CACNA1A: variants seen among roughly 807,000 people sequenced by gnomAD.
CACNA1A encodes voltage-dependent P/Q-type calcium channel subunit alpha-1A.
CACNA1A carries 57 observed loss-of-function variants against 262.4 expected under a neutral mutation model. The ratio of observed to expected loss-of-function variants is 0.22; its 90% confidence interval spans 0.18 to 0.27. CACNA1A has a LOEUF of 0.27. Among genes scored for constraint, CACNA1A ranks in the 10% least tolerant of loss-of-function variants. CACNA1A has a pLI of 1.00. For missense variants in CACNA1A, 2,526 were observed against 3,562.8 expected (o/e 0.71, Z 7.41); for synonymous variants, 1,431 against 1,419.3 (o/e 1.01, Z -0.18).
intron 5 of CACNA1A, among the ~76,000 whole-genome samples, chr19:13,361,451 C>T (rs1293509120): frequency 2.0e-5 from 3 of 152,080 alleles, no homozygotes; most frequent in Non-Finnish European, 2.9e-5. Context: ...ATTCTGTGAG[C>T]GATGCTTTTG....
At chr19:13,433,524 G>A (rs893319160) in intron 3 of CACNA1A, among the ~76,000 whole-genome samples, 5 of 148,324 alleles carry the variant, frequency 3.4e-5, no homozygotes, top group Admixed American at 6.9e-5. Context: ...ATGGAAACTG[G>A]TTTGCACCCA....
rs538875800 is a variant in CACNA1A, at chr19:13,293,200, G to A, written c.3089+5344C>T. On this transcript the variant is annotated intron_variant, in intron 19 of 46. Transcript: ENST00000360228. ...TACTGCTAAAAATAGCATTCATTGA[G>A]TACTTAATAATATTCATATTAATAA... is the stretch of plus-strand genomic sequence containing the variant. Among the ~76,000 whole-genome samples the A allele has an allele frequency of 2.0e-5, 3 of 152,108 alleles. No individual in the cohort carries two copies. In the South Asian group the frequency reaches 6.2e-4, roughly 32 times the overall value.
chr19:13,270,467 T>C (rs1488134906), intron 24 of CACNA1A, among the ~76,000 whole-genome samples: 1 of 151,326 alleles, frequency 6.6e-6, no homozygotes, highest in Admixed American at 6.6e-5. Flanking sequence ...AGAGCATCCA[T>C]GCTCCTTCCA....
chr19:13,323,286 AC>A (rs755365822), intron 10 of CACNA1A, among the ~76,000 whole-genome samples: 13 of 152,028 alleles, frequency 8.6e-5, no homozygotes, highest in Non-Finnish European at 1.9e-4. Flanking sequence ...CAAAAAACAA[AC>A]AAACAAACAA....
At chr19:13,355,027 C>A (rs531909310) in intron 6 of CACNA1A, among the ~76,000 whole-genome samples, 1 of 152,150 alleles carries the variant, frequency 6.6e-6, no homozygotes, top group Non-Finnish European at 1.5e-5. Flanking sequence ...GGCACCCGCC[C>A]ACCACGCCTG....
At chr19:13,297,871 G>C (rs1421486607) in intron 19 of CACNA1A, among the ~76,000 whole-genome samples, 5 of 151,748 alleles carry the variant, frequency 3.3e-5, no homozygotes, top group African/African-American at 1.2e-4. Flanking sequence ...CTGTTGCCCA[G>C]GCTGGAGTGT....
chr19:13,460,293 T>C (rs1308244530), intron 1 of CACNA1A, among the ~76,000 whole-genome samples: 3 of 152,094 alleles, frequency 2.0e-5, no homozygotes, highest in African/African-American at 7.2e-5. Flanking sequence ...ATTTCAGGGA[T>C]AGGAGGAGGA....
chr19:13,436,425 C>T (rs917210570), intron 3 of CACNA1A, among the ~76,000 whole-genome samples: 3 of 152,214 alleles, frequency 2.0e-5, no homozygotes, highest in African/African-American at 7.2e-5. Flanking sequence ...AGCTCTTCTT[C>T]CTTCTGTCCA....
rs538165375 is a variant in CACNA1A at position 13,207,236 on chromosome 19, G to A, written c.*77C>T. On this transcript the variant is annotated 3_prime_UTR_variant, in exon 47 of 47. Coordinates refer to ENST00000360228, the MANE Select transcript of CACNA1A (RefSeq NM_001127222.2). The surrounding 1 kb of genome is among the most constrained non-coding windows in gnomAD (Gnocchi z 5.7). ...CGGGCCCTCTGTGCTGGGCCCCCGC[G>A]GCCTCTGCGCGGCTCCTCGGGTGGG... 3.6e-6 allele frequency: 5 copies of A among 1,396,766 alleles called. No individual in the cohort carries two copies. In the African/African-American group the frequency reaches 4.6e-5, roughly 13 times the overall value. 86.5% of individuals were successfully genotyped at this position (1,396,766 alleles called of 1,614,324 possible).
In CACNA1A at chr19:13,206,893, A is replaced by G. The variant is rs2054585020; in HGVS notation, c.*420T>C. 6.5e-6 allele frequency: 1 copy of G among 154,372 alleles called. No homozygotes were observed. Among genetic ancestry groups the G allele is most frequent in the African/African-American group, 2.4e-5 (1 of 41,098 alleles). The allele number at this position is 154,372 out of a possible 1,614,324, so 9.6% of individuals were successfully genotyped here. A position where few individuals can be genotyped will look rare whatever the true frequency, so the allele number is the denominator to read the frequency against. On this transcript the variant is annotated 3_prime_UTR_variant, in exon 47 of 47. Transcript: ENST00000360228. ...AAGGAAAGATTCAATTGAGATGATAAAACTCATCAATAGAAGCTATTTTTT... is the reference window on the plus strand; with the variant it reads ...AAGGAAAGATTCAATTGAGATGATAGAACTCATCAATAGAAGCTATTTTTT...
Position 13,286,687 on chromosome 19 carries a change from C to A in CACNA1A, c.3369G>T (p.Arg1123=). The change falls in exon 20 of 47, where the codon CGG becomes CGT. Residue 1123 remains arginine, a synonymous_variant. Transcript: ENST00000360228. The part of the protein sequence containing the change: ...ATNPQNAASR[R]TPNNPGNPSN... ...ATGGGTTCCCCGGGTTGTTGGGCGT[C>A]CGGCGGCTGGCGGCGTTCTGGGGGT... 1 of 1,572,744 alleles carries A rather than the reference C, an allele frequency of 6.4e-7. No homozygotes were observed. Among genetic ancestry groups the A allele is most frequent in the Non-Finnish European group, 8.6e-7 (1 of 1,158,250 alleles).
intron 1 of CACNA1A, among the ~76,000 whole-genome samples, chr19:13,456,482 C>G (rs969480877): frequency 1.3e-5 from 2 of 151,966 alleles, no homozygotes; most frequent in African/African-American, 4.8e-5. Flanking sequence ...ACCATCCTGG[C>G]TAACACGGTG....
In CACNA1A at chr19:13,207,648, G is replaced by A; in HGVS notation, c.7186C>T (p.His2396Tyr). 6.8e-7 allele frequency: 1 copy of A among 1,464,886 alleles called. No homozygotes were observed. Among genetic ancestry groups the A allele is most frequent in the South Asian group, 1.3e-5 (1 of 77,564 alleles). 90.7% of individuals were successfully genotyped at this position (1,464,886 alleles called of 1,614,324 possible). A position where few individuals can be genotyped will look rare whatever the true frequency, so the allele number is the denominator to read the frequency against. Residue 2396 changes from histidine (H) to tyrosine (Y), a missense_variant, in exon 47 of 47, where the codon CAC becomes TAC. Physicochemically the swap from His to Tyr is moderately conservative, Grantham distance 83. This residue lies in a region of CACNA1A where 929 missense variants were observed against 868.1 expected (regional missense o/e 1.07). Transcript: ENST00000360228. This position sits in a 1 kb window ranked among gnomAD's most constrained non-coding sequence, Gnocchi z 5.7. Reference sequence around the variant, plus strand: ...GGACCCGGGGGCCCCTCGGACACGTGCGGGCCAGATGCCGGCCACCGGGCC... The same window carrying A: ...GGACCCGGGGGCCCCTCGGACACGTACGGGCCAGATGCCGGCCACCGGGCC... ...GGARWPASGP[H>Y]VSEGPPGPRH...
At position 13,406,509 on chromosome 19, in the gene CACNA1A, A is replaced by ATATATG. The variant is rs1487889235; in HGVS notation, c.540-34731_540-34730insCATATA. ...TATATATATATATATATATATATAT[A>ATATATG]TATGAAGGGAATCTGATCCCTAACA... is the stretch of plus-strand genomic sequence containing the variant. On this transcript the variant is annotated intron_variant, in intron 3 of 46. Coordinates refer to ENST00000360228, the MANE Select transcript of CACNA1A (RefSeq NM_001127222.2). 1.3e-3 allele frequency among the ~76,000 whole-genome samples: 143 copies of ATATATG among 109,650 alleles called. 4 individuals carry two copies. Among genetic ancestry groups the ATATATG allele is most frequent in the African/African-American group, 4.0e-3 (118 of 29,798 alleles). 71.9% of individuals were successfully genotyped at this position (109,650 alleles called of 152,430 possible). A position where few individuals can be genotyped will look rare whatever the true frequency, so the allele number is the denominator to read the frequency against.
chr19:13,265,228 G>A (rs576534792), intron 24 of CACNA1A, among the ~76,000 whole-genome samples: 29 of 152,288 alleles, frequency 1.9e-4, no homozygotes, highest in Non-Finnish European at 3.7e-4. Flanking sequence ...CCTGGCGTGT[G>A]GTCTCAGGAC....
chr19:13,240,810 T>C (rs1180099210), intron 31 of CACNA1A, among the ~76,000 whole-genome samples: 2 of 152,182 alleles, frequency 1.3e-5, no homozygotes, highest in East Asian at 3.8e-4. Context: ...ACAGTGACTG[T>C]GTGTGCAGTG....
At chr19:13,475,311 T>C (rs759247110) in intron 1 of CACNA1A, among the ~76,000 whole-genome samples, 2 of 152,208 alleles carry the variant, frequency 1.3e-5, no homozygotes, top group Non-Finnish European at 2.9e-5. Flanking sequence ...CTACTCATGC[T>C]ATGAAGTGGG....
At chr19:13,359,877 A>G in intron 5 of CACNA1A, 78 bp from the exon 6 acceptor site, 2 of 954,140 alleles carry the variant, frequency 2.1e-6, no homozygotes, top group East Asian at 2.7e-5. Context: ...CAGTGACTCT[A>G]TAATGCTGTT....
At chr19:13,416,922 T>C (rs1171569276) in intron 3 of CACNA1A, among the ~76,000 whole-genome samples, 2 of 152,162 alleles carry the variant, frequency 1.3e-5, no homozygotes, top group South Asian at 2.1e-4. Context: ...TTGTTGTGTA[T>C]ATTTTGCCAC....
Sources: gnomAD v4.1 joint callset for allele counts (sites outside exome capture counted in the v4.1 genomes callset) on GRCh38, gnomAD v4.1.1 for gene constraint, gnomAD v4.1.1 regional missense constraint, Gnocchi (gnomAD v3.1) non-coding constraint, MANE v1.5 for transcripts, NCBI Gene and HGNC (gene_info 2026-07-23, HGNC 2026-07-21) for gene names.